The following CAMLG variants were observed in gnomAD, a reference collection of about 807,000 sequenced individuals.
CAMLG encodes the protein guided entry of tail-anchored proteins factor CAMLG.
A neutral mutation model predicts 28.9 loss-of-function variants in CAMLG; 23 were observed. The observed-to-expected ratio is 0.80, with a 90% CI of 0.57 to 1.13. The LOEUF (loss-of-function observed/expected upper bound fraction) is 1.13. Among genes scored for constraint, CAMLG ranks in the 50% most tolerant of loss-of-function variants. The probability of loss-of-function intolerance (pLI) is 0.00; values close to 1 mark genes in which losing one functional copy is unlikely to be tolerated. For missense variants in CAMLG, 367 were observed against 371.9 expected, an observed-to-expected ratio of 0.99 and a Z score of 0.11; for synonymous variants, 141 against 146.5, an observed-to-expected ratio of 0.96 and a Z score of 0.27.
chr5:134,738,922 GC>G, intron 1 of CAMLG, 130 bp downstream of exon 1: 1 of 892,608 alleles, frequency 1.1e-6, no homozygotes, highest in Non-Finnish European at 1.7e-6. Context: ...TCTCTGTCCC[GC>G]CCCTTCGGTG....
rs762873568 is a variant in CAMLG at position 134,738,662 on chromosome 5, G to A, written c.42G>A (p.Pro14=). 6 of 1,612,960 alleles carry A rather than the reference G, an allele frequency of 3.7e-6. No homozygotes were observed. The African/African-American group carries it at 4.0e-5, about 11-fold the overall frequency. The change falls in exon 1 of 4, where the codon CCG becomes CCA. Residue 14 remains proline (P), a synonymous_variant. Coordinates refer to ENST00000297156, the MANE Select transcript of CAMLG (RefSeq NM_001745.4). ...TCGCTACCGACGGCGGGGAGAGGCC[G>A]GGGGTCCCAGCGGGCTCAGGTCTGT... ...MAVATDGGER[P]GVPAGSGLSA... is the part of the protein sequence containing the mutation.
chr5:134,740,464 C>T (rs887238480), intron 1 of CAMLG, among the ~76,000 whole-genome samples: 1 of 152,202 alleles, frequency 6.6e-6, no homozygotes, highest in African/African-American at 2.4e-5. Context: ...TTTCAGCTTG[C>T]TCCATCTCTG....
At chr5:134,744,180 C>A in intron 3 of CAMLG, 128 bp downstream of exon 3, 2 of 569,374 alleles carry the variant, frequency 3.5e-6, no homozygotes, top group East Asian at 3.0e-5. Context: ...TGTGGTTTGC[C>A]CACTTATCTC....
At chr5:134,741,806 C>T (rs1331033075) in intron 2 of CAMLG, among the ~76,000 whole-genome samples, 5 of 152,182 alleles carry the variant, frequency 3.3e-5, no homozygotes, top group East Asian at 1.9e-4. Flanking sequence ...TTTAGCCGGG[C>T]GTGGTGGTGC....
At chr5:134,746,478 T>G (rs1011016192) in intron 3 of CAMLG, among the ~76,000 whole-genome samples, 6 of 151,340 alleles carry the variant, frequency 4.0e-5, no homozygotes, top group Non-Finnish European at 7.4e-5. Flanking sequence ...TATAGCAGGG[T>G]TTTTTTTGCT....
intron 3 of CAMLG, among the ~76,000 whole-genome samples, chr5:134,748,060 C>T (rs1343829304): frequency 1.4e-5 from 2 of 148,094 alleles, no homozygotes; most frequent in African/African-American, 4.9e-5. Context: ...GACGGGGTTT[C>T]ACCATGTTGG....
intron 3 of CAMLG, among the ~76,000 whole-genome samples, chr5:134,749,660 C>T (rs936148432): frequency 1.3e-5 from 2 of 152,170 alleles, no homozygotes; most frequent in Admixed American, 6.5e-5. Context: ...TGAGACTTAA[C>T]GCTTCAAAAA....
chr5:134,747,779 C>A (rs1463408054), intron 3 of CAMLG, among the ~76,000 whole-genome samples: 9 of 150,386 alleles, frequency 6.0e-5, no homozygotes. Context: ...ATAGCGGGGA[C>A]TACAGGCACA....
intron 3 of CAMLG, among the ~76,000 whole-genome samples, chr5:134,750,503 A>C (rs777389576): frequency 6.6e-6 from 1 of 151,304 alleles, no homozygotes; most frequent in Non-Finnish European, 1.5e-5. Flanking sequence ...GTGCCATTGC[A>C]CTCCAACCTG....
Position 134,738,661 on chromosome 5 carries a change from C to G in CAMLG, c.41C>G (p.Pro14Arg), listed in dbSNP as rs1368287247. 1 of 1,613,086 alleles carries G rather than the reference C, an allele frequency of 6.2e-7. No individual in the cohort carries two copies. Among genetic ancestry groups the G allele is most frequent in the Non-Finnish European group, 8.5e-7 (1 of 1,179,706 alleles). ...GTCGCTACCGACGGCGGGGAGAGGC[C>G]GGGGGTCCCAGCGGGCTCAGGTCTG... Reference protein sequence around the residue: ...MAVATDGGERPGVPAGSGLSA... With the variant: ...MAVATDGGERRGVPAGSGLSA... The change falls in exon 1 of 4, where the codon CCG becomes CGG. Residue 14 changes from proline to arginine, a missense_variant. Coordinates refer to ENST00000297156, the MANE Select transcript of CAMLG (RefSeq NM_001745.4).
Position 134,738,786 on chromosome 5 carries a change from G to C in CAMLG, c.166G>C (p.Gly56Arg). Residue 56 changes from glycine to arginine, a missense_variant, in exon 1 of 4, where the codon GGC (glycine) becomes CGC (arginine). Physicochemically the swap from Gly to Arg is moderately radical, Grantham distance 125. Transcript: ENST00000297156. ...RIMGFHRPGS[G>R]AEEESQTKSK... ...CATGGGCTTTCACAGGCCCGGGAGC[G>C]GCGCGGGTAAGAGCCTCGATTTCCC... is the stretch of plus-strand genomic sequence containing the variant. The C allele has an allele frequency of 6.2e-7, 1 of 1,613,994 alleles. No homozygotes were observed. Among genetic ancestry groups the C allele is most frequent in the East Asian group, 2.2e-5 (1 of 44,858 alleles).
At chr5:134,742,029 A>G (rs1447418933) in intron 2 of CAMLG, among the ~76,000 whole-genome samples, 1 of 152,222 alleles carries the variant, frequency 6.6e-6, no homozygotes, top group Non-Finnish European at 1.5e-5. Flanking sequence ...TAAAAACAGT[A>G]TAACAACTAT....
intron 2 of CAMLG, 27 bp downstream of exon 2, chr5:134,741,550 C>T (rs900583936): frequency 5.6e-6 from 8 of 1,426,690 alleles, no homozygotes; most frequent in Non-Finnish European, 7.8e-6. Flanking sequence ...AAATTATTAA[C>T]TAACTTAATG....
intron 1 of CAMLG, 109 bp downstream of exon 1, chr5:134,738,901 C>G: frequency 9.4e-7 from 1 of 1,063,792 alleles, no homozygotes; most frequent in Non-Finnish European, 1.4e-6. Flanking sequence ...AAGCCTTGCT[C>G]TTTGATTTCC....
chr5:134,748,178 A>G (rs1753073656), intron 3 of CAMLG, among the ~76,000 whole-genome samples: 1 of 151,256 alleles, frequency 6.6e-6, no homozygotes, highest in Admixed American at 6.6e-5. Context: ...TGATTCGCCC[A>G]CCTCCGCTTC....
At chr5:134,739,447 T>G (rs1169480315) in intron 1 of CAMLG, among the ~76,000 whole-genome samples, 1 of 152,152 alleles carries the variant, frequency 6.6e-6, no homozygotes, top group Non-Finnish European at 1.5e-5. Flanking sequence ...GAGAGTTTCC[T>G]CTCCTCATGA....
chr5:134,749,421 GATA>G (rs1230565368), intron 3 of CAMLG, among the ~76,000 whole-genome samples: 8 of 152,138 alleles, frequency 5.3e-5, no homozygotes, highest in Middle Eastern at 3.4e-3. Flanking sequence ...TGGATTTTGT[GATA>G]ATAAAGAAAA....
chr5:134,739,902 G>T (rs537017917), intron 1 of CAMLG, among the ~76,000 whole-genome samples: 1 of 152,088 alleles, frequency 6.6e-6, no homozygotes, highest in Non-Finnish European at 1.5e-5. Flanking sequence ...TTGAGACAGG[G>T]TCTCCCTCTG....
chr5:134,749,255 A>G (rs1426696375), intron 3 of CAMLG, among the ~76,000 whole-genome samples: 1 of 152,012 alleles, frequency 6.6e-6, no homozygotes, highest in Non-Finnish European at 1.5e-5. Context: ...TTTTTAGTAG[A>G]GACGAGGTTT....
Sources: allele counts gnomAD v4.1 joint callset (sites outside exome capture counted in the v4.1 genomes callset), GRCh38; gene constraint gnomAD v4.1.1; transcripts MANE v1.5; gene names NCBI Gene and HGNC (gene_info 2026-07-23, HGNC 2026-07-21).